DAB1: variants seen among roughly 807,000 people sequenced by gnomAD.
The protein encoded by DAB1 is disabled homolog 1.
Under a neutral mutation model 64.6 loss-of-function variants are expected in DAB1, and 15 were observed. The observed-to-expected ratio is 0.23, with a 90% CI of 0.16 to 0.36. DAB1 has a LOEUF of 0.36. Among genes scored for constraint, DAB1 ranks in the 10% least tolerant of loss-of-function variants. DAB1 has a pLI of 1.00. For missense variants in DAB1, 596 were observed against 706.7 expected, an observed-to-expected ratio of 0.84 and a Z score of 1.78; for synonymous variants, 235 against 251.9, an observed-to-expected ratio of 0.93 and a Z score of 0.64.
chr1:58,261,184 C>G (rs907664256), intron 4 of DAB1, among the ~76,000 whole-genome samples: 1 of 152,156 alleles, frequency 6.6e-6, no homozygotes, highest in Non-Finnish European at 1.5e-5. Context: ...AGTCCTATGT[C>G]TTTAAACTGC....
intron 7 of DAB1, among the ~76,000 whole-genome samples, chr1:57,539,638 C>CTTTATT (rs1644777016): frequency 1.3e-5 from 2 of 152,112 alleles, no homozygotes; most frequent in South Asian, 4.1e-4. Flanking sequence ...AAATTACTTG[C>CTTTATT]TTTATTTTTT....
intron 2 of DAB1, among the ~76,000 whole-genome samples, chr1:57,197,106 C>T (rs1029273438): frequency 7.2e-5 from 11 of 152,096 alleles, no homozygotes; most frequent in South Asian, 2.1e-4. Flanking sequence ...GAGGCTGAGG[C>T]GGGCAGATCA....
intron 5 of DAB1, among the ~76,000 whole-genome samples, chr1:57,915,129 TAAA>T (rs11321322): frequency 1.7e-5 from 2 of 117,352 alleles, no homozygotes; most frequent in African/African-American, 3.2e-5. Flanking sequence ...CTTTAAATCA[TAAA>T]AAAAAAAAAA....
intron 1 of DAB1, among the ~76,000 whole-genome samples, chr1:57,856,205 AAG>A (rs1227165118): frequency 6.6e-6 from 1 of 152,106 alleles, no homozygotes; most frequent in African/African-American, 2.4e-5. Context: ...GTTGCTTCAC[AAG>A]AGTCTGAGGA....
At chr1:57,119,920 G>A (rs574617) in intron 4 of DAB1, among the ~76,000 whole-genome samples, 98,630 of 151,992 alleles carry the variant, frequency 0.65, 32,497 homozygotes, top group Middle Eastern at 0.77. Context: ...AACAGCAAAT[G>A]AAAAGTGACT....
chr1:57,170,586 G>C (rs1447305221), intron 2 of DAB1, among the ~76,000 whole-genome samples: 2 of 152,168 alleles, frequency 1.3e-5, no homozygotes, highest in African/African-American at 4.8e-5. Context: ...GGGAGGTGCA[G>C]GGGCTTTGAG....
chr1:58,226,334 T>C (rs778677776), intron 4 of DAB1, among the ~76,000 whole-genome samples: 6 of 151,966 alleles, frequency 3.9e-5, no homozygotes, highest in Non-Finnish European at 7.3e-5. Context: ...TTTCGCATGT[T>C]ATGGCACTAG....
chr1:57,461,751 C>A (rs977115640), intron 7 of DAB1, among the ~76,000 whole-genome samples: 1 of 152,056 alleles, frequency 6.6e-6, no homozygotes, highest in Non-Finnish European at 1.5e-5. Flanking sequence ...TATCATTGCT[C>A]CAGTTCTCTT....
intron 5 of DAB1, among the ~76,000 whole-genome samples, chr1:58,013,893 C>CTTTTTTTTTTTTTTT (rs11340354): frequency 7.3e-6 from 1 of 137,050 alleles, no homozygotes; most frequent in Non-Finnish European, 1.6e-5. Context: ...TTCTTTTTTT[C>CTTTTTTTTTTTTTTT]TTTTTTTTTT....
chr1:57,553,176 G>T (rs1185480571), intron 7 of DAB1, among the ~76,000 whole-genome samples: 1 of 151,806 alleles, frequency 6.6e-6, no homozygotes, highest in Admixed American at 6.6e-5. Flanking sequence ...GGGTTGTCCA[G>T]CATATTCCTA....
chr1:58,024,686 A>G (rs1449231131), intron 5 of DAB1, among the ~76,000 whole-genome samples: 3 of 152,170 alleles, frequency 2.0e-5, no homozygotes, highest in Non-Finnish European at 4.4e-5. Flanking sequence ...TTGGTCAAAC[A>G]TTATTCTGGG....
intron 5 of DAB1, among the ~76,000 whole-genome samples, chr1:57,960,397 A>T (rs1472667274): frequency 3.9e-5 from 6 of 152,084 alleles, no homozygotes; most frequent in Non-Finnish European, 8.8e-5. Context: ...TGGACATGAC[A>T]TGGTGCTTGG....
rs551890491 is a variant in DAB1 at position 58,065,562 on chromosome 1, T to G, written n.387+84949A>C. 2.6e-5 allele frequency among the ~76,000 whole-genome samples: 4 copies of G among 152,130 alleles called. No homozygotes were observed. In the South Asian group the frequency reaches 8.3e-4, roughly 32 times the overall value. On this transcript the variant is annotated intron_variant and non_coding_transcript_variant, in intron 5 of 20. Coordinates refer to the DAB1 transcript ENST00000485760. ...ACTCTGATTTGTACTGAAAAGAAAA[T>G]GTACTTCATGAGTCGATACAAAGGG...
chr1:57,166,006 ATGCTAAGGAC>A (rs993982637), intron 2 of DAB1, among the ~76,000 whole-genome samples: 3 of 152,204 alleles, frequency 2.0e-5, no homozygotes, highest in African/African-American at 7.2e-5. Flanking sequence ...GGACTAAGGG[ATGCTAAGGAC>A]TCCAGAACAA....
At chr1:57,689,711 C>T (rs1646741077) in intron 6 of DAB1, among the ~76,000 whole-genome samples, 1 of 152,162 alleles carries the variant, frequency 6.6e-6, no homozygotes, top group Non-Finnish European at 1.5e-5. Context: ...ATAACCACAT[C>T]AGGGAAAATT....
chr1:58,526,018 C>T (rs566390519), intron 2 of DAB1, among the ~76,000 whole-genome samples: 1 of 152,128 alleles, frequency 6.6e-6, no homozygotes. Context: ...AAAGATGTTG[C>T]CCTCTTCCTC....
At chr1:58,162,347 T>TC (rs1655584429) in intron 4 of DAB1, among the ~76,000 whole-genome samples, 1 of 152,162 alleles carries the variant, frequency 6.6e-6, no homozygotes, top group Non-Finnish European at 1.5e-5. Context: ...TTCTTTTTTT[T>TC]CTCTATTCTT....
chr1:58,055,781 TGCAACC>T (rs1329820029), intron 5 of DAB1, among the ~76,000 whole-genome samples: 1 of 66,946 alleles, frequency 1.5e-5, no homozygotes, highest in Non-Finnish European at 2.7e-5. Context: ...CTCGGCTCAC[TGCAACC>T]TCTGTCACTG....
At chr1:57,774,284 TG>T (rs1649693883) in intron 6 of DAB1, among the ~76,000 whole-genome samples, 1 of 151,908 alleles carries the variant, frequency 6.6e-6, no homozygotes, top group Non-Finnish European at 1.5e-5. Context: ...AAAATATAAT[TG>T]TTTTTTGTAT....
Sources: gnomAD v4.1 joint callset for allele counts (sites outside exome capture counted in the v4.1 genomes callset) on GRCh38, gnomAD v4.1.1 for gene constraint, MANE v1.5 for transcripts, NCBI Gene and HGNC (gene_info 2026-07-23, HGNC 2026-07-21) for gene names.